The following ARHGEF17 variants were observed in gnomAD, a reference collection of about 807,000 sequenced individuals.
The protein encoded by ARHGEF17 is Rho guanine nucleotide exchange factor 17.
A neutral mutation model predicts 174.0 loss-of-function variants in ARHGEF17; 80 were observed. The ratio of observed to expected loss-of-function variants is 0.46; its 90% CI spans 0.38 to 0.55. The LOEUF (loss-of-function observed/expected upper bound fraction) is 0.55, where lower values mean the gene tolerates loss of function less well. ARHGEF17 is among the 20% of genes least tolerant of loss of function. The pLI is 0.00. For synonymous variants in ARHGEF17, 1,311 were observed against 1,189.1 expected (o/e 1.10, Z -2.11); for missense variants, 2,886 against 2,839.7 (o/e 1.02, Z -0.37).
At chr11:73,328,757 C>T (rs758999927) in intron 1 of ARHGEF17, among the ~76,000 whole-genome samples, 12 of 152,186 alleles carry the variant, frequency 7.9e-5, no homozygotes, top group Non-Finnish European at 1.6e-4. Flanking sequence ...GTGGGAACCT[C>T]GTCCTCTGTA....
intron 1 of ARHGEF17, among the ~76,000 whole-genome samples, chr11:73,323,833 C>T (rs1365087016): frequency 2.6e-5 from 4 of 152,252 alleles, no homozygotes; most frequent in Admixed American, 1.3e-4. Flanking sequence ...ATCACCTGGA[C>T]GTGGTGCCTG....
chr11:73,347,456 G>A (rs1352657846), intron 2 of ARHGEF17, among the ~76,000 whole-genome samples: 2 of 152,174 alleles, frequency 1.3e-5, no homozygotes, highest in Admixed American at 1.3e-4. Context: ...TAGAAACATC[G>A]AGGGGCACCT....
chr11:73,312,432 A>G (rs1196126511), intron 1 of ARHGEF17, among the ~76,000 whole-genome samples: 1 of 152,138 alleles, frequency 6.6e-6, no homozygotes, highest in Non-Finnish European at 1.5e-5. Context: ...GCTGTGTGAC[A>G]TTGGCCTTTC....
chr11:73,366,476 C>A (rs1275684195), intron 20 of ARHGEF17, among the ~76,000 whole-genome samples: 1 of 152,194 alleles, frequency 6.6e-6, no homozygotes, highest in Non-Finnish European at 1.5e-5. Flanking sequence ...CACCTGTAAT[C>A]CCAGCAGTTT....
intron 1 of ARHGEF17, among the ~76,000 whole-genome samples, chr11:73,328,557 A>C (rs774512219): frequency 1.3e-5 from 2 of 152,150 alleles, no homozygotes; most frequent in Non-Finnish European, 2.9e-5. Flanking sequence ...TTGAAGGAGG[A>C]ATTGGACAGT....
At chr11:73,356,641 T>C (rs773314491) in intron 6 of ARHGEF17, 68 bp from the exon 7 acceptor site, 170 of 1,596,760 alleles carry the variant, frequency 1.1e-4, no homozygotes, top group Non-Finnish European at 1.3e-4. Flanking sequence ...GAGGGATCAC[T>C]GGGATTTTTG....
Position 73,311,526 on chromosome 11 carries a change from C to G in ARHGEF17, c.2888C>G (p.Pro963Arg). The G allele has an allele frequency of 6.2e-7, 1 of 1,613,506 alleles. No individual in the cohort carries two copies. The highest frequency in any genetic ancestry group is 8.5e-7 in the Non-Finnish European group (1 of 1,180,038). The change falls in exon 1 of 21, where the codon CCC becomes CGC. Residue 963 changes from proline (P) to arginine (R), a missense_variant. This residue lies in a region of ARHGEF17 where 1,728 missense variants were observed against 1,461.2 expected (regional missense o/e 1.18). Coordinates refer to ENST00000263674, the MANE Select transcript of ARHGEF17 (RefSeq NM_014786.4). ...SSRHVRHASV[P>R]ATFMPIVVPE... ...AGACACGTTCGCCATGCCAGTGTGCCCGCCACATTTATGCCTATTGTGGTG... is the reference window on the plus strand; with the variant it reads ...AGACACGTTCGCCATGCCAGTGTGCGCGCCACATTTATGCCTATTGTGGTG...
intron 1 of ARHGEF17, among the ~76,000 whole-genome samples, chr11:73,327,779 C>T (rs1007433324): frequency 2.0e-5 from 3 of 151,986 alleles, no homozygotes; most frequent in Non-Finnish European, 2.9e-5. Context: ...TTGAGACTCT[C>T]GGGGGACAAG....
At chr11:73,337,898 C>T (rs547765833) in intron 1 of ARHGEF17, among the ~76,000 whole-genome samples, 3 of 152,282 alleles carry the variant, frequency 2.0e-5, no homozygotes, top group Non-Finnish European at 4.4e-5. Flanking sequence ...CATAATCCCA[C>T]CCCAGGTGCA....
chr11:73,316,531 A>C (rs1322653980), intron 1 of ARHGEF17, among the ~76,000 whole-genome samples: 1 of 152,222 alleles, frequency 6.6e-6, no homozygotes, highest in Non-Finnish European at 1.5e-5. Flanking sequence ...AGGAGGTGAC[A>C]TTTGAGCAGA....
intron 20 of ARHGEF17, 103 bp downstream of exon 20, chr11:73,366,050 CAT>C (rs778377556): frequency 9.7e-5 from 140 of 1,440,512 alleles, no homozygotes; most frequent in Non-Finnish European, 1.3e-4. Flanking sequence ...AAAAGTGTCA[CAT>C]AGAGCTGGAG....
chr11:73,362,144 G>A lies in ARHGEF17; in HGVS notation c.4599G>A (p.Leu1533=), dbSNP rs761784291. 28 of 1,609,028 alleles carry A rather than the reference G, an allele frequency of 1.7e-5. No individual in the cohort carries two copies. Among genetic ancestry groups the A allele is most frequent in the African/African-American group, 2.7e-5 (2 of 74,794 alleles). ...GYVGQVCLLS[L]RAEPDVEACI... Reference sequence around the variant, plus strand: ...TGGGCCAGGTGTGCCTGCTGAGCCTGCGCGCCGAGCCGGACGTGGAGGCCT... The same window carrying A: ...TGGGCCAGGTGTGCCTGCTGAGCCTACGCGCCGAGCCGGACGTGGAGGCCT... The change falls in exon 13 of 21, where the codon CTG becomes CTA. Residue 1533 remains leucine, a synonymous_variant. Transcript: ENST00000263674.
Position 73,310,848 on chromosome 11 carries a change from C to G in ARHGEF17, c.2210C>G (p.Pro737Arg), listed in dbSNP as rs1301713376. The change falls in exon 1 of 21, where the codon CCA becomes CGA. Residue 737 changes from proline to arginine, a missense_variant. By Grantham distance (103) the Pro-to-Arg change is moderately radical. Coordinates refer to ENST00000263674, the MANE Select transcript of ARHGEF17 (RefSeq NM_014786.4). ...AGEAYRSLSD[P>R]IPQRHRAATS... is the part of the protein sequence containing the mutation. The stretch of plus-strand genomic sequence containing the variant: ...GAGGCCTACAGGTCCCTGAGTGACC[C>G]AATTCCTCAGCGCCACCGGGCTGCC... The G allele has an allele frequency of 1.2e-6, 2 of 1,611,886 alleles. No individual in the cohort carries two copies.
intron 1 of ARHGEF17, among the ~76,000 whole-genome samples, chr11:73,344,166 G>A (rs2134409506): frequency 6.6e-6 from 1 of 152,302 alleles, no homozygotes; most frequent in African/African-American, 2.4e-5. Context: ...GGGAGGCTGG[G>A]TGTGAAGGGC....
chr11:73,314,383 G>C (rs528961840), intron 1 of ARHGEF17, among the ~76,000 whole-genome samples: 14 of 152,210 alleles, frequency 9.2e-5, no homozygotes, highest in Non-Finnish European at 1.6e-4. Context: ...TTCGTGCTCT[G>C]TGTGGTGTTG....
intron 1 of ARHGEF17, among the ~76,000 whole-genome samples, chr11:73,333,861 T>C (rs1865247600): frequency 6.6e-6 from 1 of 152,248 alleles, no homozygotes; most frequent in East Asian, 1.9e-4. Flanking sequence ...TCTTTGAGCC[T>C]CTGTGCCCAT....
chr11:73,339,781 A>T (rs762820372), intron 1 of ARHGEF17, among the ~76,000 whole-genome samples: 1 of 152,158 alleles, frequency 6.6e-6, no homozygotes, highest in Non-Finnish European at 1.5e-5. Context: ...ACTCTTGTAG[A>T]GCAGAGCCCT....
Position 73,311,583 on chromosome 11 carries a change from T to C in ARHGEF17, c.2945T>C (p.Val982Ala), listed in dbSNP as rs1027825358. The change falls in exon 1 of 21, where the codon GTG becomes GCG. Residue 982 changes from valine (V) to alanine (A), a missense_variant. Physicochemically the swap from Val to Ala is moderately conservative, Grantham distance 64. Transcript: ENST00000263674. ...CCACCAACTTCTGTTGGTCCCCCTG[T>C]GGCTGTGCCAGAACCCATAGGCTTC... ...PEPPTSVGPP[V>A]AVPEPIGFPT... 3 of 1,613,598 alleles carry C rather than the reference T, an allele frequency of 1.9e-6. No homozygotes were observed. Among genetic ancestry groups the C allele is most frequent in the African/African-American group, 1.3e-5 (1 of 75,044 alleles).
chr11:73,330,403 A>G (rs964745924), intron 1 of ARHGEF17, among the ~76,000 whole-genome samples: 2 of 152,026 alleles, frequency 1.3e-5, no homozygotes, highest in African/African-American at 4.8e-5. Context: ...TTCTTGTTTT[A>G]TTTTACATTT....
Sources: allele counts gnomAD v4.1 joint callset (sites outside exome capture counted in the v4.1 genomes callset), GRCh38; gene constraint gnomAD v4.1.1; regional missense constraint gnomAD v4.1.1; transcripts MANE v1.5; gene names NCBI Gene and HGNC (gene_info 2026-07-23, HGNC 2026-07-21).